The following CARMIL1 variants were observed in gnomAD, a reference collection of about 807,000 sequenced individuals.
CARMIL1 encodes the protein F-actin-uncapping protein LRRC16A.
CARMIL1 carries 90 observed loss-of-function variants against 177.1 expected under a neutral mutation model. That is an observed-to-expected ratio of 0.51 (90% CI 0.43 to 0.61). CARMIL1 has a LOEUF of 0.61. Among genes scored for constraint, CARMIL1 ranks in the 20% least tolerant of loss-of-function variants. The pLI, the probability that CARMIL1 is intolerant of heterozygous loss-of-function variation, is 0.00. For synonymous variants in CARMIL1, 577 were observed against 606.2 expected, an observed-to-expected ratio of 0.95 and a Z score of 0.71; for missense variants, 1,380 against 1,667.0, an observed-to-expected ratio of 0.83 and a Z score of 3.00.
At chr6:25,339,966 C>G (rs1005065729) in intron 2 of CARMIL1, among the ~76,000 whole-genome samples, 1 of 152,222 alleles carries the variant, frequency 6.6e-6, no homozygotes, top group Non-Finnish European at 1.5e-5. Flanking sequence ...CCCCTCCCCA[C>G]TTTCCAAGAT....
In CARMIL1 at chr6:25,294,918, C is replaced by G. The variant is rs567282222; in HGVS notation, c.138+10009C>G. 3.9e-5 allele frequency among the ~76,000 whole-genome samples: 6 copies of G among 152,236 alleles called. No homozygotes were observed. The South Asian group carries it at 1.2e-3, about 32-fold the overall frequency. On this transcript the variant is annotated intron_variant, in intron 2 of 36. Coordinates refer to ENST00000329474, the MANE Select transcript of CARMIL1 (RefSeq NM_017640.6). ...CTTTAATGGGCTCCTGTGGATTGTG[C>G]CTTTTGAAGAGGGTATGGAGCCTGT...
intron 29 of CARMIL1, among the ~76,000 whole-genome samples, chr6:25,559,125 A>G (rs1040372623): frequency 1.3e-5 from 2 of 152,210 alleles, no homozygotes; most frequent in African/African-American, 4.8e-5. Flanking sequence ...ACATGGCAGC[A>G]GCTGCCCGAA....
chr6:25,445,499 A>G (rs942789951), intron 5 of CARMIL1, among the ~76,000 whole-genome samples: 5 of 150,184 alleles, frequency 3.3e-5, no homozygotes, highest in East Asian at 1.9e-4. Flanking sequence ...AGGAATCACT[A>G]TCTATGGCTG....
At chr6:25,343,605 C>T (rs544618905) in intron 2 of CARMIL1, among the ~76,000 whole-genome samples, 2 of 152,304 alleles carry the variant, frequency 1.3e-5, no homozygotes, top group Admixed American at 1.3e-4. Flanking sequence ...TCTCTCACTC[C>T]TGTGTCCTGA....
In CARMIL1 at chr6:25,569,341, G is replaced by A. The variant is rs141119894; in HGVS notation, c.2743-11583G>A. Among the ~76,000 whole-genome samples the A allele has an allele frequency of 2.9e-3, 446 of 152,276 alleles. 1 individual carries two copies. The highest frequency in any genetic ancestry group is 1.0e-2 in the African/African-American group (414 of 41,548). Reference sequence around the variant, plus strand: ...GGTTTCAGAGTTTTGGTGATAAGCCGTCTTTCCCTGAAGCTCTGTTTGAGG... The same window carrying A: ...GGTTTCAGAGTTTTGGTGATAAGCCATCTTTCCCTGAAGCTCTGTTTGAGG... On this transcript the variant is annotated intron_variant, in intron 29 of 36. Coordinates refer to ENST00000329474, the MANE Select transcript of CARMIL1 (RefSeq NM_017640.6).
At chr6:25,506,681 C>G (rs1297719430) in intron 17 of CARMIL1, among the ~76,000 whole-genome samples, 1 of 152,130 alleles carries the variant, frequency 6.6e-6, no homozygotes, top group Non-Finnish European at 1.5e-5. Flanking sequence ...TGTTTTCTGT[C>G]CTTGGAGAAA....
chr6:25,593,819 A>T (rs183501263), intron 31 of CARMIL1, among the ~76,000 whole-genome samples: 1 of 152,202 alleles, frequency 6.6e-6, no homozygotes, highest in Non-Finnish European at 1.5e-5. Flanking sequence ...ATGTCCCCTT[A>T]TATCTCACAC....
chr6:25,474,075 C>CT (rs1260979470), intron 11 of CARMIL1, among the ~76,000 whole-genome samples: 1 of 151,328 alleles, frequency 6.6e-6, no homozygotes, highest in African/African-American at 2.4e-5. Context: ...TGAATAAGGC[C>CT]TTTCACCTTT....
intron 2 of CARMIL1, among the ~76,000 whole-genome samples, chr6:25,360,510 C>G (rs1581682704): frequency 6.6e-6 from 1 of 152,078 alleles, no homozygotes; most frequent in African/African-American, 2.4e-5. Context: ...CTAAACCTTA[C>G]ATACTTTTTT....
chr6:25,469,724 C>T (rs1800937808), intron 9 of CARMIL1, among the ~76,000 whole-genome samples: 1 of 152,074 alleles, frequency 6.6e-6, no homozygotes, highest in Admixed American at 6.6e-5. Context: ...GGGACCCCAC[C>T]CCACTACTTT....
chr6:25,445,003 G>A (rs930074081), intron 5 of CARMIL1, among the ~76,000 whole-genome samples: 1 of 152,178 alleles, frequency 6.6e-6, no homozygotes, highest in Non-Finnish European at 1.5e-5. Context: ...GTGTAAAAGT[G>A]TTCCTATTTC....
intron 31 of CARMIL1, among the ~76,000 whole-genome samples, chr6:25,582,180 A>T (rs886436194): frequency 6.6e-6 from 1 of 152,024 alleles, no homozygotes; most frequent in East Asian, 1.9e-4. Context: ...TCCCAAGGTC[A>T]CTCCAGACCA....
chr6:25,580,793 T>G (rs1170230925), intron 29 of CARMIL1, 131 bp from the exon 30 acceptor site: 6 of 673,954 alleles, frequency 8.9e-6, no homozygotes, highest in Non-Finnish European at 1.5e-5. Context: ...TTCAGTTAGG[T>G]TTTCAATCAT....
intron 35 of CARMIL1, among the ~76,000 whole-genome samples, chr6:25,608,029 G>A (rs1261073143): frequency 6.6e-6 from 1 of 152,126 alleles, no homozygotes; most frequent in South Asian, 2.1e-4. Flanking sequence ...AAAGAAAATA[G>A]AAAAAATTTT....
At chr6:25,477,852 C>CTTTTTT (rs56068417) in intron 11 of CARMIL1, among the ~76,000 whole-genome samples, 3 of 98,018 alleles carry the variant, frequency 3.1e-5, no homozygotes, top group Non-Finnish European at 5.8e-5. Flanking sequence ...CTTCTCATCA[C>CTTTTTT]TTTTTTTTTT....
intron 24 of CARMIL1, among the ~76,000 whole-genome samples, chr6:25,535,438 C>G (rs768376517): frequency 6.6e-6 from 1 of 152,088 alleles, no homozygotes; most frequent in Non-Finnish European, 1.5e-5. Context: ...ATGGGACCTG[C>G]AGGAAGGGTG....
intron 2 of CARMIL1, among the ~76,000 whole-genome samples, chr6:25,344,995 G>A (rs1042115814): frequency 3.9e-5 from 6 of 152,022 alleles, no homozygotes; most frequent in African/African-American, 1.5e-4. Flanking sequence ...TGCTTTTACT[G>A]CAGAACGTTT....
chr6:25,550,023 C>G (rs544950468), intron 26 of CARMIL1, among the ~76,000 whole-genome samples: 1 of 152,270 alleles, frequency 6.6e-6, no homozygotes, highest in South Asian at 2.1e-4. Context: ...ATGGAGAGAT[C>G]AGTAACTTTG....
intron 1 of CARMIL1, among the ~76,000 whole-genome samples, chr6:25,282,908 C>A (rs1009603124): frequency 8.5e-5 from 13 of 152,326 alleles, no homozygotes; most frequent in African/African-American, 3.1e-4. Flanking sequence ...CCATCTCTAT[C>A]TAGCACCTAG....
Sources: allele counts gnomAD v4.1 joint callset (sites outside exome capture counted in the v4.1 genomes callset), GRCh38; gene constraint gnomAD v4.1.1; transcripts MANE v1.5; gene names NCBI Gene and HGNC (gene_info 2026-07-23, HGNC 2026-07-21).